The following TMEM131 variants were observed in gnomAD, a reference collection of about 807,000 sequenced individuals.
TMEM131 encodes the protein transmembrane protein 131, also known as 2610524E03Rik.
Under a neutral mutation model 211.6 loss-of-function variants are expected in TMEM131, and 66 were observed. The observed-to-expected ratio is 0.31, with a 90% CI of 0.26 to 0.38. The LOEUF (loss-of-function observed/expected upper bound fraction) is 0.38, where lower values mean the gene tolerates loss of function less well. Among genes scored for constraint, TMEM131 ranks in the 10% least tolerant of loss-of-function variants. The pLI is 1.00. For missense variants in TMEM131, 2,036 were observed against 2,299.3 expected, an observed-to-expected ratio of 0.89 and a Z score of 2.34; for synonymous variants, 844 against 841.3, an observed-to-expected ratio of 1.00 and a Z score of -0.06.
intron 32 of TMEM131, among the ~76,000 whole-genome samples, chr2:97,773,000 G>A (rs1325761398): frequency 6.6e-6 from 1 of 152,250 alleles, no homozygotes; most frequent in Non-Finnish European, 1.5e-5. Context: ...GGTGGTGGCA[G>A]TGGCAGTAGC....
chr2:97,866,937 CA>C (rs1230191974), intron 4 of TMEM131, among the ~76,000 whole-genome samples: 1 of 152,180 alleles, frequency 6.6e-6, no homozygotes, highest in Non-Finnish European at 1.5e-5. Context: ...ATCAGTTAAG[CA>C]ACCCTAATCT....
chr2:97,779,624 A>C (rs1212333222), intron 31 of TMEM131, among the ~76,000 whole-genome samples: 1 of 152,230 alleles, frequency 6.6e-6, no homozygotes, highest in African/African-American at 2.4e-5. Context: ...TGCAAATTCT[A>C]TGGCCCCATT....
At chr2:97,781,974 C>T (rs1200251742) in intron 31 of TMEM131, among the ~76,000 whole-genome samples, 2 of 152,202 alleles carry the variant, frequency 1.3e-5, no homozygotes, top group African/African-American at 4.8e-5. Context: ...AAGTGGGAGC[C>T]AAGACTTCCA....
intron 8 of TMEM131, 47 bp from the exon 9 acceptor site, chr2:97,834,972 C>CA: frequency 2.5e-6 from 4 of 1,597,620 alleles, no homozygotes; most frequent in Non-Finnish European, 3.4e-6. Context: ...TGTAATGTAG[C>CA]AAAACCACCA....
chr2:97,792,366 C>T lies in TMEM131; in HGVS notation c.4144+20G>A, dbSNP rs777313468. On this transcript the variant is annotated intron_variant, in intron 31 of 40. Coordinates refer to ENST00000186436, the MANE Select transcript of TMEM131 (RefSeq NM_015348.2). ...TTTTCCCTCACACATCACGGATCTC[C>T]GGCAGTGGGAGATGATTACCTTTGC... The T allele has an allele frequency of 3.7e-5, 57 of 1,534,134 alleles. No homozygotes were observed. Among genetic ancestry groups the T allele is most frequent in the South Asian group, 5.1e-5 (4 of 78,576 alleles).
chr2:97,939,545 C>A (rs1677619254), intron 1 of TMEM131, among the ~76,000 whole-genome samples: 1 of 152,134 alleles, frequency 6.6e-6, no homozygotes, highest in South Asian at 2.1e-4. Flanking sequence ...AGCCTACAAA[C>A]CAAAAGAAGT....
At chr2:97,833,186 C>G (rs1282542114) in intron 11 of TMEM131, among the ~76,000 whole-genome samples, 179 bp downstream of exon 11, 1 of 152,184 alleles carries the variant, frequency 6.6e-6, no homozygotes, top group Non-Finnish European at 1.5e-5. Context: ...CTCTCTCATC[C>G]TTAAAATCCG....
At chr2:97,768,578 G>A (rs1267263704) in intron 33 of TMEM131, among the ~76,000 whole-genome samples, 3 of 152,040 alleles carry the variant, frequency 2.0e-5, no homozygotes, top group African/African-American at 7.2e-5. Context: ...AATGGGTAAC[G>A]GCCAACTTAA....
chr2:97,930,572 T>C (rs1244222268), intron 1 of TMEM131, among the ~76,000 whole-genome samples: 1 of 151,116 alleles, frequency 6.6e-6, no homozygotes, highest in South Asian at 2.1e-4. Flanking sequence ...TAGAGATAAA[T>C]AGGATTCAAC....
At chr2:97,761,444 G>A (rs1346011420) in intron 36 of TMEM131, 1 of 159,220 alleles carries the variant, frequency 6.3e-6, no homozygotes. Context: ...CGAGGCACAC[G>A]GTGAGAGTGC....
intron 25 of TMEM131, among the ~76,000 whole-genome samples, chr2:97,801,054 G>A (rs1470907448): frequency 6.6e-6 from 1 of 152,242 alleles, no homozygotes; most frequent in East Asian, 1.9e-4. Flanking sequence ...GCTAATATAT[G>A]CCTTACAGAT....
At chr2:97,963,998 T>A (rs1041846727) in intron 1 of TMEM131, among the ~76,000 whole-genome samples, 1 of 152,224 alleles carries the variant, frequency 6.6e-6, no homozygotes, top group African/African-American at 2.4e-5. Context: ...CAGGCTTACA[T>A]AAAAGTGGCA....
At chr2:97,847,224 A>G (rs765920283) in intron 5 of TMEM131, among the ~76,000 whole-genome samples, 3 of 151,948 alleles carry the variant, frequency 2.0e-5, no homozygotes, top group Non-Finnish European at 4.4e-5. Context: ...AAAGAGATAA[A>G]AGGCACTACA....
chr2:97,846,739 C>T (rs1346496860), intron 5 of TMEM131, among the ~76,000 whole-genome samples: 3 of 152,156 alleles, frequency 2.0e-5, no homozygotes, highest in Admixed American at 6.5e-5. Flanking sequence ...TCTTCTTCTT[C>T]CAATGTGCCC....
At chr2:97,768,545 C>T (rs994021361) in intron 33 of TMEM131, among the ~76,000 whole-genome samples, 2 of 152,188 alleles carry the variant, frequency 1.3e-5, no homozygotes, top group African/African-American at 4.8e-5. Flanking sequence ...TATCAAGAAT[C>T]CTTTTTTAAG....
chr2:97,949,044 T>C (rs1386229632), intron 1 of TMEM131, among the ~76,000 whole-genome samples: 1 of 152,154 alleles, frequency 6.6e-6, no homozygotes, highest in Non-Finnish European at 1.5e-5. Context: ...TATGTGTGAA[T>C]GAAAATGAAA....
At chr2:97,936,991 C>G (rs1188090510) in intron 1 of TMEM131, among the ~76,000 whole-genome samples, 1 of 152,010 alleles carries the variant, frequency 6.6e-6, no homozygotes, top group Non-Finnish European at 1.5e-5. Flanking sequence ...AGCACAGTAA[C>G]TGAAATGAGC....
chr2:97,963,018 C>G (rs559782321), intron 1 of TMEM131, among the ~76,000 whole-genome samples: 1 of 152,270 alleles, frequency 6.6e-6, no homozygotes, highest in South Asian at 2.1e-4. Context: ...GAGGAAAAGG[C>G]ACTGATTGCT....
chr2:97,820,493 A>G (rs1330267515), intron 11 of TMEM131, among the ~76,000 whole-genome samples: 1 of 152,210 alleles, frequency 6.6e-6, no homozygotes, highest in African/African-American at 2.4e-5. Flanking sequence ...TATGCAATAA[A>G]AGGATGTTTA....
Sources: gnomAD v4.1 joint callset for allele counts (sites outside exome capture counted in the v4.1 genomes callset) on GRCh38, gnomAD v4.1.1 for gene constraint, MANE v1.5 for transcripts, NCBI Gene and HGNC (gene_info 2026-07-23, HGNC 2026-07-21) for gene names.